Variants in PDZRN4 observed in about 807,000 individuals in gnomAD.
PDZRN4 encodes PDZ domain-containing RING finger protein 4.
A neutral mutation model predicts 99.0 loss-of-function variants in PDZRN4; 70 were observed. That is an observed-to-expected ratio of 0.71 (90% CI 0.58 to 0.86). PDZRN4 has a LOEUF of 0.86. Among genes scored for constraint, PDZRN4 ranks in the 40% least tolerant of loss-of-function variants. The pLI, the probability that PDZRN4 is intolerant of heterozygous loss-of-function variation, is 0.00. For synonymous variants in PDZRN4, 551 were observed against 501.6 expected (o/e 1.10, Z -1.32); for missense variants, 1,474 against 1,331.2 (o/e 1.11, Z -1.67).
intron 8 of PDZRN4, among the ~76,000 whole-genome samples, chr12:41,564,918 G>A (rs1459141234): frequency 6.6e-6 from 1 of 152,174 alleles, no homozygotes; most frequent in Non-Finnish European, 1.5e-5. Context: ...CATCTCTATT[G>A]TAGAGAAGAT....
chr12:41,403,054 C>T (rs1565573646), intron 3 of PDZRN4, among the ~76,000 whole-genome samples: 1 of 151,960 alleles, frequency 6.6e-6, no homozygotes, highest in Non-Finnish European at 1.5e-5. Flanking sequence ...AAAGGGAAGC[C>T]ATAATAACTT....
In PDZRN4 at chr12:41,559,025, C is replaced by T. The variant is rs142997518; in HGVS notation, c.1365+3265C>T. Among the ~76,000 whole-genome samples, 626 of 152,024 alleles carry T rather than the reference C, an allele frequency of 4.1e-3. 4 individuals are homozygous for T. Among genetic ancestry groups the T allele is most frequent in the African/African-American group, 0.014 (581 of 41,464 alleles). ...TGGATGACTTTTATTTAAATGAGTC[C>T]CTTTAGAGCAATTGTGATTTTAATT... On this transcript the variant is annotated intron_variant, in intron 7 of 9. Coordinates refer to ENST00000402685, the MANE Select transcript of PDZRN4 (RefSeq NM_001164595.2).
At chr12:41,408,636 C>T (rs553355525) in intron 3 of PDZRN4, among the ~76,000 whole-genome samples, 9 of 152,210 alleles carry the variant, frequency 5.9e-5, no homozygotes, top group Admixed American at 5.9e-4. Flanking sequence ...CTTTGGAAAT[C>T]GGAATTTTAT....
At chr12:41,236,673 G>A (rs1052722983) in intron 3 of PDZRN4, among the ~76,000 whole-genome samples, 1 of 152,140 alleles carries the variant, frequency 6.6e-6, no homozygotes, top group African/African-American at 2.4e-5. Flanking sequence ...GGATGTCATA[G>A]CATATGACAG....
chr12:41,483,665 T>G (rs2120606730), intron 3 of PDZRN4, among the ~76,000 whole-genome samples: 1 of 152,284 alleles, frequency 6.6e-6, no homozygotes. Context: ...CTGTATGAGT[T>G]CAAATGATAA....
At chr12:41,363,318 T>G (rs1267716018) in intron 3 of PDZRN4, among the ~76,000 whole-genome samples, 1 of 152,112 alleles carries the variant, frequency 6.6e-6, no homozygotes, top group Non-Finnish European at 1.5e-5. Flanking sequence ...ATTTTTATCT[T>G]CATTATTTAA....
intron 3 of PDZRN4, among the ~76,000 whole-genome samples, chr12:41,326,898 G>A (rs958747819): frequency 2.0e-5 from 3 of 152,042 alleles, no homozygotes; most frequent in Non-Finnish European, 4.4e-5. Context: ...TAAAGTACAT[G>A]GACAAATAAG....
intron 3 of PDZRN4, among the ~76,000 whole-genome samples, chr12:41,198,497 C>A (rs969652209): frequency 1.3e-5 from 2 of 149,898 alleles, no homozygotes; most frequent in African/African-American, 4.9e-5. Context: ...ATATTAAAAT[C>A]TTTTTATTCT....
chr12:41,362,202 T>C (rs569483316), intron 3 of PDZRN4, among the ~76,000 whole-genome samples: 1 of 152,142 alleles, frequency 6.6e-6, no homozygotes, highest in Admixed American at 6.5e-5. Flanking sequence ...TTGTTAGTAC[T>C]GCCACAATCA....
intron 8 of PDZRN4, among the ~76,000 whole-genome samples, chr12:41,564,538 T>C (rs1939331028): frequency 6.6e-6 from 1 of 152,196 alleles, no homozygotes; most frequent in African/African-American, 2.4e-5. Context: ...ACATACTATC[T>C]ATAAATTACA....
chr12:41,444,592 A>G (rs1952708029), intron 3 of PDZRN4, among the ~76,000 whole-genome samples: 1 of 152,100 alleles, frequency 6.6e-6, no homozygotes, highest in South Asian at 2.1e-4. Flanking sequence ...AAATAATCCA[A>G]AAAGTGTTGG....
intron 3 of PDZRN4, among the ~76,000 whole-genome samples, chr12:41,272,478 G>A (rs1435090045): frequency 1.3e-5 from 2 of 151,966 alleles, no homozygotes; most frequent in Non-Finnish European, 2.9e-5. Context: ...CCCATTTATT[G>A]TATTAAATGA....
chr12:41,274,143 A>C (rs761755683), intron 3 of PDZRN4, among the ~76,000 whole-genome samples: 15 of 152,264 alleles, frequency 9.9e-5, no homozygotes, highest in Admixed American at 3.3e-4. Flanking sequence ...AATAAATTGT[A>C]GCCACATGTC....
intron 8 of PDZRN4, among the ~76,000 whole-genome samples, chr12:41,565,886 G>C (rs1448321586): frequency 6.6e-6 from 1 of 152,076 alleles, no homozygotes; most frequent in African/African-American, 2.4e-5. Context: ...GGCCCCCTTT[G>C]GTGCAGATAG....
chr12:41,212,413 C>T (rs1265566502), intron 3 of PDZRN4, among the ~76,000 whole-genome samples: 1 of 151,896 alleles, frequency 6.6e-6, no homozygotes, highest in Non-Finnish European at 1.5e-5. Flanking sequence ...AAGTGGAATA[C>T]CCATGTCCTC....
intron 5 of PDZRN4, among the ~76,000 whole-genome samples, chr12:41,544,627 A>C (rs1399347754): frequency 6.6e-6 from 1 of 152,228 alleles, no homozygotes; most frequent in Non-Finnish European, 1.5e-5. Context: ...TTTTAAAACT[A>C]AACATCTTAA....
intron 3 of PDZRN4, among the ~76,000 whole-genome samples, chr12:41,236,136 T>G (rs1951065172): frequency 1.3e-5 from 2 of 152,252 alleles, no homozygotes; most frequent in South Asian, 4.1e-4. Flanking sequence ...TGCAATCTAG[T>G]GAATAAGAAA....
At chr12:41,236,446 T>C (rs968663891) in intron 3 of PDZRN4, among the ~76,000 whole-genome samples, 1 of 152,060 alleles carries the variant, frequency 6.6e-6, no homozygotes, top group African/African-American at 2.4e-5. Flanking sequence ...AGGGCAAGAT[T>C]ACAGAGAGCC....
chr12:41,362,631 A>C (rs567173847), intron 3 of PDZRN4, among the ~76,000 whole-genome samples: 1 of 152,008 alleles, frequency 6.6e-6, no homozygotes, highest in Non-Finnish European at 1.5e-5. Context: ...TCTTTTCCAC[A>C]TGGTGGGCTT....
Sources: gnomAD v4.1 joint callset for allele counts (sites outside exome capture counted in the v4.1 genomes callset) on GRCh38, gnomAD v4.1.1 for gene constraint, MANE v1.5 for transcripts, NCBI Gene and HGNC (gene_info 2026-07-23, HGNC 2026-07-21) for gene names.